TBCK: variants seen among roughly 807,000 people sequenced by gnomAD.
TBCK encodes TBC domain-containing protein kinase-like protein.
A neutral mutation model predicts 113.4 loss-of-function variants in TBCK; 99 were observed. The observed-to-expected ratio is 0.87, with a 90% CI of 0.74 to 1.03. The LOEUF (loss-of-function observed/expected upper bound fraction) is 1.03, where lower values mean the gene tolerates loss of function less well. Among genes scored for constraint, TBCK ranks in the 50% least tolerant of loss-of-function variants. The pLI, the probability that TBCK is intolerant of heterozygous loss-of-function variation, is 0.00. For synonymous variants in TBCK, 369 were observed against 370.8 expected (o/e 1.00, Z 0.05); for missense variants, 1,045 against 1,061.3 (o/e 0.98, Z 0.21).
chr4:106,153,496 T>A (rs981769412), intron 23 of TBCK, among the ~76,000 whole-genome samples: 1 of 152,150 alleles, frequency 6.6e-6, no homozygotes, highest in East Asian at 1.9e-4. Context: ...AGAGAACATA[T>A]GGTCTATCTC....
At chr4:106,250,026 T>C (rs1761254600) in intron 7 of TBCK, among the ~76,000 whole-genome samples, 1 of 152,108 alleles carries the variant, frequency 6.6e-6, no homozygotes, top group Non-Finnish European at 1.5e-5. Context: ...AAAATCAATA[T>C]TCTTCTTGAG....
intron 24 of TBCK, among the ~76,000 whole-genome samples, chr4:106,115,936 A>G (rs551704006): frequency 2.3e-4 from 35 of 152,340 alleles, no homozygotes; most frequent in African/African-American, 8.2e-4. Flanking sequence ...CTTCAAGAAT[A>G]GCAATATACA....
chr4:106,254,130 G>C (rs984750910), intron 5 of TBCK, among the ~76,000 whole-genome samples: 38 of 152,048 alleles, frequency 2.5e-4, no homozygotes, highest in Admixed American at 1.2e-3. Flanking sequence ...TTTCTGGCCA[G>C]AGAAGCTCAT....
rs1733926000 is a variant in TBCK, at chr4:106,042,525, A to T, written c.*4045T>A. The T allele has an allele frequency of 6.6e-6, 1 of 151,936 alleles. No individual in the cohort carries two copies. Among genetic ancestry groups the T allele is most frequent in the African/African-American group, 2.4e-5 (1 of 41,368 alleles). The allele number at this position is 151,936 out of a possible 1,614,324, so 9.4% of individuals were successfully genotyped here. A position where few individuals can be genotyped will look rare whatever the true frequency, so the allele number is the denominator to read the frequency against. ...CAGGCGCCCACCACCACGCCTGGCTAATTTTTTGTATTTTTAGTAGAGATG... is the reference window on the plus strand; with the variant it reads ...CAGGCGCCCACCACCACGCCTGGCTTATTTTTTGTATTTTTAGTAGAGATG... On this transcript the variant is annotated 3_prime_UTR_variant, in exon 26 of 26. Coordinates refer to ENST00000394708, the MANE Select transcript of TBCK (RefSeq NM_001163435.3).
chr4:106,278,456 G>A (rs1672570710), intron 3 of TBCK, among the ~76,000 whole-genome samples: 2 of 151,230 alleles, frequency 1.3e-5, no homozygotes, highest in Admixed American at 1.3e-4. Flanking sequence ...CTATTCGGGA[G>A]GCTGAGGCAC....
chr4:106,148,143 A>G (rs1436024906), intron 23 of TBCK, among the ~76,000 whole-genome samples: 1 of 152,238 alleles, frequency 6.6e-6, no homozygotes, highest in Non-Finnish European at 1.5e-5. Context: ...TATCAATGAC[A>G]ATGGTGCCCG....
At chr4:106,196,702 G>A (rs1264701692) in intron 20 of TBCK, among the ~76,000 whole-genome samples, 1 of 152,052 alleles carries the variant, frequency 6.6e-6, no homozygotes, top group Non-Finnish European at 1.5e-5. Context: ...ACTGTAATGA[G>A]TAAGGGTTGT....
At chr4:106,293,816 T>C (rs2125840739) in intron 3 of TBCK, among the ~76,000 whole-genome samples, 1 of 152,342 alleles carries the variant, frequency 6.6e-6, no homozygotes, top group South Asian at 2.1e-4. Context: ...AGAGTAACAA[T>C]ATTTTTCAAA....
At chr4:106,287,271 T>TG (rs1765209897) in intron 3 of TBCK, among the ~76,000 whole-genome samples, 1 of 152,198 alleles carries the variant, frequency 6.6e-6, no homozygotes, top group South Asian at 2.1e-4. Context: ...TATAATCCTT[T>TG]CTTTTTTCTA....
intron 19 of TBCK, among the ~76,000 whole-genome samples, chr4:106,219,838 A>T (rs971035517): frequency 6.6e-6 from 1 of 152,112 alleles, no homozygotes; most frequent in Non-Finnish European, 1.5e-5. Context: ...ATTTTTTTGA[A>T]ATTGAAATGA....
intron 16 of TBCK, among the ~76,000 whole-genome samples, chr4:106,233,276 C>A (rs976030570): frequency 4.0e-5 from 6 of 151,846 alleles, no homozygotes; most frequent in Non-Finnish European, 7.4e-5. Context: ...AGAATTAGAC[C>A]ATTTCTTTTG....
intron 23 of TBCK, among the ~76,000 whole-genome samples, chr4:106,122,504 A>C (rs1744552355): frequency 6.6e-6 from 1 of 152,174 alleles, no homozygotes; most frequent in Non-Finnish European, 1.5e-5. Flanking sequence ...AAAAAGAGGG[A>C]ATCCTCCCTA....
chr4:106,131,727 G>C (rs1033440150), intron 23 of TBCK, among the ~76,000 whole-genome samples: 3 of 152,206 alleles, frequency 2.0e-5, no homozygotes, highest in Admixed American at 2.0e-4. Flanking sequence ...ACAGAAGTTG[G>C]AACAGTTTGG....
chr4:106,166,588 G>T (rs1750396788), intron 23 of TBCK, among the ~76,000 whole-genome samples: 1 of 151,562 alleles, frequency 6.6e-6, no homozygotes, highest in Non-Finnish European at 1.5e-5. Flanking sequence ...GTACCCAATA[G>T]GTAATATAAT....
chr4:106,262,228 A>G lies in TBCK; in HGVS notation c.267-16T>C. Reference sequence around the variant, plus strand: ...CGTTGAACAGCTACAAAGAAAACAAAAAGTCAAAGATCAATTACAAAGCAA... The same window carrying G: ...CGTTGAACAGCTACAAAGAAAACAAGAAGTCAAAGATCAATTACAAAGCAA... On this transcript the variant is annotated splice_polypyrimidine_tract_variant and intron_variant, in intron 3 of 25. Coordinates refer to ENST00000394708, the MANE Select transcript of TBCK (RefSeq NM_001163435.3). 1.4e-6 allele frequency: 2 copies of G among 1,408,836 alleles called. No individual in the cohort carries two copies. The highest frequency in any genetic ancestry group is 2.0e-6 in the Non-Finnish European group (2 of 1,025,584). The allele number at this position is 1,408,836 out of a possible 1,614,324, so 87.3% of individuals were successfully genotyped here.
intron 23 of TBCK, among the ~76,000 whole-genome samples, chr4:106,138,944 A>AC (rs373137231): frequency 7.8e-5 from 11 of 141,202 alleles, no homozygotes; most frequent in African/African-American, 2.8e-4. Flanking sequence ...TCAGCTGGTG[A>AC]CAAGAGGTCA....
At chr4:106,068,383 T>C (rs1337214051) in intron 25 of TBCK, among the ~76,000 whole-genome samples, 1 of 152,068 alleles carries the variant, frequency 6.6e-6, no homozygotes, top group Non-Finnish European at 1.5e-5. Flanking sequence ...TTCCCACCTA[T>C]GAGTGAGAAC....
At chr4:106,062,695 A>G (rs1005578386) in intron 25 of TBCK, among the ~76,000 whole-genome samples, 6 of 151,796 alleles carry the variant, frequency 4.0e-5, no homozygotes, top group African/African-American at 1.4e-4. Context: ...TGGGCTGTGG[A>G]GTACAGGGTG....
chr4:106,196,904 C>T (rs1046882357), intron 20 of TBCK, among the ~76,000 whole-genome samples: 2 of 152,074 alleles, frequency 1.3e-5, no homozygotes, highest in Non-Finnish European at 2.9e-5. Flanking sequence ...CTAACAGTGC[C>T]TTTCTCCTAT....
Sources: gnomAD v4.1 joint callset for allele counts (sites outside exome capture counted in the v4.1 genomes callset) on GRCh38, gnomAD v4.1.1 for gene constraint, MANE v1.5 for transcripts, NCBI Gene and HGNC (gene_info 2026-07-23, HGNC 2026-07-21) for gene names.